STARD13: variants seen among roughly 807,000 people sequenced by gnomAD.
STARD13 encodes the protein StAR related lipid transfer domain containing 13, also known as stAR-related lipid transfer protein 13.
Under a neutral mutation model 106.4 loss-of-function variants are expected in STARD13, and 62 were observed. That is an observed-to-expected ratio of 0.58 (90% CI 0.48 to 0.72). The LOEUF is 0.72. Ranked by LOEUF, STARD13 falls within the 30% of genes least tolerant of loss-of-function variation. The pLI, the probability that STARD13 is intolerant of heterozygous loss-of-function variation, is 0.00. For synonymous variants in STARD13, 565 were observed against 553.0 expected (o/e 1.02, Z -0.31); for missense variants, 1,387 against 1,424.0 (o/e 0.97, Z 0.42).
chr13:33,546,292 AAG>A, the STARD13 span, among the ~76,000 whole-genome samples: 1 of 152,160 alleles, frequency 6.6e-6, no homozygotes, highest in African/African-American at 2.4e-5. Context: ...GCATTTGTCT[AAG>A]AAGAATTAAG....
the STARD13 span, among the ~76,000 whole-genome samples, chr13:33,489,251 A>C: frequency 6.6e-6 from 1 of 152,232 alleles, no homozygotes; most frequent in Non-Finnish European, 1.5e-5. Flanking sequence ...GTTCAGGAAA[A>C]TAAATATCAA....
intron 7 of STARD13, among the ~76,000 whole-genome samples, chr13:33,123,556 A>C (rs549782575): frequency 4.2e-4 from 64 of 152,332 alleles, no homozygotes; most frequent in Middle Eastern, 6.8e-3. Context: ...CAGTTGATTT[A>C]GGGCAGAAAT....
the STARD13 span, among the ~76,000 whole-genome samples, chr13:33,449,178 A>G: frequency 6.6e-6 from 1 of 151,394 alleles, no homozygotes; most frequent in Non-Finnish European, 1.5e-5. Flanking sequence ...CTGGTGTAGG[A>G]TATTTTTCAT....
At chr13:33,671,089 T>C in the STARD13 span, among the ~76,000 whole-genome samples, 1 of 152,260 alleles carries the variant, frequency 6.6e-6, no homozygotes, top group Non-Finnish European at 1.5e-5. Flanking sequence ...TTGCACCCTA[T>C]GTATTTTGTG....
At chr13:33,120,685 G>C (rs1283388659) in intron 7 of STARD13, among the ~76,000 whole-genome samples, 1 of 152,106 alleles carries the variant, frequency 6.6e-6, no homozygotes, top group Non-Finnish European at 1.5e-5. Context: ...AGTAGCTGAA[G>C]ATGGCCAAAG....
At chr13:33,567,488 C>G in the STARD13 span, among the ~76,000 whole-genome samples, 3 of 148,002 alleles carry the variant, frequency 2.0e-5, 1 homozygote, top group African/African-American at 5.0e-5. Flanking sequence ...TAATTAATGG[C>G]CAAACGTACA....
the STARD13 span, among the ~76,000 whole-genome samples, chr13:33,471,322 G>C: frequency 6.6e-6 from 1 of 152,198 alleles, no homozygotes; most frequent in Non-Finnish European, 1.5e-5. Flanking sequence ...GTGCTGGAAA[G>C]GTCTTTCTGC....
chr13:33,522,398 A>G, the STARD13 span, among the ~76,000 whole-genome samples: 172 of 152,214 alleles, frequency 1.1e-3, 1 homozygote, highest in African/African-American at 3.9e-3. Context: ...CACAAAGCCC[A>G]TAGTGTACAG....
chr13:33,127,591 T>C (rs752706645), intron 5 of STARD13, 45 bp from the exon 6 acceptor site: 1 of 1,498,122 alleles, frequency 6.7e-7, no homozygotes, highest in South Asian at 1.3e-5. Flanking sequence ...AAAGTGGACT[T>C]GGTAGCGGGA....
chr13:33,602,383 A>G, the STARD13 span, among the ~76,000 whole-genome samples: 1 of 152,180 alleles, frequency 6.6e-6, no homozygotes, highest in Non-Finnish European at 1.5e-5. Flanking sequence ...GAGCCACCAA[A>G]ACACCTAGTA....
intron 1 of STARD13, among the ~76,000 whole-genome samples, chr13:33,270,915 C>A (rs1331746419): frequency 6.6e-6 from 1 of 152,122 alleles, no homozygotes. Flanking sequence ...CCAAGGACCC[C>A]AAAATTAACC....
At chr13:33,350,082 A>G (rs2138622811) in intron 1 of STARD13, among the ~76,000 whole-genome samples, 1 of 152,186 alleles carries the variant, frequency 6.6e-6, no homozygotes, top group Admixed American at 6.5e-5. Context: ...CGCGTCCGGC[A>G]CGGAGCCCAC....
At chr13:33,571,438 T>A in the STARD13 span, among the ~76,000 whole-genome samples, 5 of 152,006 alleles carry the variant, frequency 3.3e-5, no homozygotes, top group African/African-American at 4.8e-5. Flanking sequence ...CAGTAGCTAT[T>A]TATAATGCCT....
the STARD13 span, among the ~76,000 whole-genome samples, chr13:33,616,674 A>T: frequency 6.6e-6 from 1 of 152,252 alleles, no homozygotes; most frequent in African/African-American, 2.4e-5. Flanking sequence ...CAAGCCATAC[A>T]TGGTTAGGCT....
At chr13:33,453,084 G>A in the STARD13 span, among the ~76,000 whole-genome samples, 1 of 152,160 alleles carries the variant, frequency 6.6e-6, no homozygotes, top group Non-Finnish European at 1.5e-5. Context: ...CTGGGTTTGA[G>A]TATTTCATAG....
the STARD13 span, among the ~76,000 whole-genome samples, chr13:33,420,584 C>T: frequency 6.6e-6 from 1 of 152,188 alleles, no homozygotes; most frequent in Admixed American, 6.5e-5. Flanking sequence ...GACTTGAACA[C>T]AGCTCTGCAC....
chr13:33,146,717 CA>C (rs1880594116), intron 3 of STARD13, among the ~76,000 whole-genome samples: 1 of 152,176 alleles, frequency 6.6e-6, no homozygotes, highest in African/African-American at 2.4e-5. Flanking sequence ...TTGTCAAAAT[CA>C]ACTTTTTAAG....
the STARD13 span, among the ~76,000 whole-genome samples, chr13:33,361,670 A>G: frequency 6.6e-6 from 1 of 152,236 alleles, no homozygotes; most frequent in Non-Finnish European, 1.5e-5. Context: ...CAAGAGGCAA[A>G]GGAGAAGCAA....
intron 1 of STARD13, chr13:33,280,364 T>C (rs1275894254): frequency 6.6e-6 from 1 of 152,158 alleles, no homozygotes; most frequent in Non-Finnish European, 1.5e-5. Flanking sequence ...TACTTAAAAA[T>C]AGCCTCAGAT....
Sources: allele counts gnomAD v4.1 joint callset (sites outside exome capture counted in the v4.1 genomes callset), GRCh38; gene constraint gnomAD v4.1.1; transcripts MANE v1.5; gene names NCBI Gene and HGNC (gene_info 2026-07-23, HGNC 2026-07-21).